The following ADGRL2 variants were observed in gnomAD, a reference collection of about 807,000 sequenced individuals.
The protein encoded by ADGRL2 is calcium-independent alpha-latrotoxin receptor 2.
ADGRL2 carries 44 observed loss-of-function variants against 157.4 expected under a neutral mutation model. The observed-to-expected ratio is 0.28, with a 90% confidence interval of 0.22 to 0.36. The LOEUF (loss-of-function observed/expected upper bound fraction) is 0.36. ADGRL2 is among the 10% of genes least tolerant of loss of function. ADGRL2 has a pLI of 1.00. For synonymous variants in ADGRL2, 585 were observed against 624.7 expected, an observed-to-expected ratio of 0.94 and a Z score of 0.95; for missense variants, 1,510 against 1,768.9, an observed-to-expected ratio of 0.85 and a Z score of 2.63.
intron 2 of ADGRL2, among the ~76,000 whole-genome samples, chr1:81,851,091 A>G (rs1049274556): frequency 6.6e-6 from 1 of 151,964 alleles, no homozygotes; most frequent in Non-Finnish European, 1.5e-5. Context: ...GTGTCCATGC[A>G]TGCATAGTGT....
chr1:81,726,121 G>A (rs991961664), intron 1 of ADGRL2, among the ~76,000 whole-genome samples: 2 of 152,210 alleles, frequency 1.3e-5, no homozygotes, highest in African/African-American at 2.4e-5. Flanking sequence ...TTTCTCTTCT[G>A]TACAGTGTCC....
intron 1 of ADGRL2, among the ~76,000 whole-genome samples, chr1:81,397,109 C>CT (rs1168159326): frequency 6.6e-6 from 1 of 151,982 alleles, no homozygotes; most frequent in Admixed American, 6.6e-5. Flanking sequence ...AGGTCCTGTA[C>CT]TTTTATTTTT....
intron 1 of ADGRL2, among the ~76,000 whole-genome samples, chr1:81,406,206 G>A (rs1236114065): frequency 6.6e-6 from 1 of 152,064 alleles, no homozygotes; most frequent in Non-Finnish European, 1.5e-5. Flanking sequence ...TTTTTTATCA[G>A]TGCAAATCAC....
intron 1 of ADGRL2, chr1:81,426,913 C>A (rs2077227630): frequency 4.3e-6 from 3 of 690,856 alleles, no homozygotes; most frequent in South Asian, 4.2e-5. Flanking sequence ...AGACTGAAAC[C>A]ATGGAAGTTA....
intron 1 of ADGRL2, among the ~76,000 whole-genome samples, chr1:81,340,402 C>T (rs549811085): frequency 7.9e-5 from 12 of 152,202 alleles, no homozygotes; most frequent in East Asian, 1.9e-4. Context: ...CCCCAGGTCA[C>T]GAGTCCACAT....
chr1:81,499,101 G>A (rs1430548690), intron 2 of ADGRL2, among the ~76,000 whole-genome samples: 2 of 152,144 alleles, frequency 1.3e-5, no homozygotes, highest in African/African-American at 4.8e-5. Context: ...ATTTTGGAGG[G>A]GCATAACACA....
chr1:81,708,142 A>G (rs1180586378), intron 1 of ADGRL2, among the ~76,000 whole-genome samples: 18 of 152,210 alleles, frequency 1.2e-4, no homozygotes, highest in Non-Finnish European at 2.2e-4. Context: ...ACATGCACAC[A>G]TACACACACA....
chr1:81,652,659 T>C (rs10399830), intron 3 of ADGRL2, among the ~76,000 whole-genome samples: 73,735 of 151,928 alleles, frequency 0.49, 18,191 homozygotes, highest in East Asian at 0.68. Flanking sequence ...TTTTTAAAAA[T>C]GTCAACTTTT....
chr1:81,662,168 TTTAAG>T lies in ADGRL2; in HGVS notation c.-143+81192_-143+81196del, dbSNP rs377509843. The stretch of plus-strand genomic sequence containing the variant: ...AGTTACAAACAATCCAGTTATACTC[TTTAAG>T]TTATTTTAAAGTGTACAATTAAGTT... On this transcript the variant is annotated intron_variant, in intron 3 of 24. Transcript: ENST00000370721. Among the ~76,000 whole-genome samples the T allele has an allele frequency of 3.8e-3, 571 of 152,258 alleles. 3 individuals are homozygous for T. The highest frequency in any genetic ancestry group is 0.013 in the African/African-American group (540 of 41,536).
intron 1 of ADGRL2, among the ~76,000 whole-genome samples, chr1:81,439,250 C>A (rs988593780): frequency 1.3e-5 from 2 of 152,128 alleles, no homozygotes; most frequent in African/African-American, 4.8e-5. Flanking sequence ...TTATTAAGAG[C>A]AAACTCTCAT....
chr1:81,797,819 A>G (rs1350479091), upstream of ADGRL2, among the ~76,000 whole-genome samples: 1 of 152,162 alleles, frequency 6.6e-6, no homozygotes, highest in Non-Finnish European at 1.5e-5. Flanking sequence ...CAGTTGGAAA[A>G]AACATGTATG....
At chr1:81,579,411 T>G (rs897701304) in intron 2 of ADGRL2, 1 of 152,290 alleles carries the variant, frequency 6.6e-6, no homozygotes, top group East Asian at 1.9e-4. Context: ...CTATCGGGGA[T>G]TTCTAGAGTA....
chr1:81,316,644 T>C (rs1660127015), intron 1 of ADGRL2, among the ~76,000 whole-genome samples: 1 of 152,224 alleles, frequency 6.6e-6, no homozygotes, highest in African/African-American at 2.4e-5. Context: ...CTCCTATTTC[T>C]GACAGAAGGC....
chr1:81,832,857 A>G (rs2092043761), intron 1 of ADGRL2, among the ~76,000 whole-genome samples: 1 of 152,224 alleles, frequency 6.6e-6, no homozygotes. Context: ...GAAAACTCCC[A>G]GGGGTAATGA....
chr1:81,307,084 A>G (rs991600211), intron 1 of ADGRL2, among the ~76,000 whole-genome samples: 4 of 152,272 alleles, frequency 2.6e-5, no homozygotes, highest in African/African-American at 9.6e-5. Flanking sequence ...CAGAAGTATT[A>G]CAAATAGTTA....
At chr1:81,497,071 A>G (rs2078746020) in intron 2 of ADGRL2, among the ~76,000 whole-genome samples, 2 of 152,208 alleles carry the variant, frequency 1.3e-5, no homozygotes, top group South Asian at 4.1e-4. Context: ...CCAAATATAA[A>G]GAGAACAAAA....
At chr1:81,531,083 C>CA (rs66485040) in intron 2 of ADGRL2, among the ~76,000 whole-genome samples, 75 of 119,986 alleles carry the variant, frequency 6.3e-4, no homozygotes, top group African/African-American at 1.1e-3. Context: ...GACTCTGTTT[C>CA]AAAAAAAAAA....
chr1:81,843,732 A>G (rs978699769), intron 2 of ADGRL2, among the ~76,000 whole-genome samples: 8 of 152,216 alleles, frequency 5.3e-5, no homozygotes, highest in Admixed American at 4.6e-4. Flanking sequence ...AATCGGATAC[A>G]CTGGCATCTT....
chr1:81,633,979 A>G (rs1189462213), intron 3 of ADGRL2, among the ~76,000 whole-genome samples: 1 of 152,172 alleles, frequency 6.6e-6, no homozygotes, highest in African/African-American at 2.4e-5. Context: ...AGTAGTATTT[A>G]AAGCCATAAG....
Sources: allele counts gnomAD v4.1 joint callset (sites outside exome capture counted in the v4.1 genomes callset), GRCh38; gene constraint gnomAD v4.1.1; transcripts MANE v1.5; gene names NCBI Gene and HGNC (gene_info 2026-07-23, HGNC 2026-07-21).